FAM174B: variants seen among roughly 807,000 people sequenced by gnomAD.
FAM174B encodes family with sequence similarity 174 member B, also known as membrane protein FAM174B.
In FAM174B, 12 loss-of-function variants were observed where a neutral mutation model predicts 10.9. The ratio of observed to expected loss-of-function variants is 1.10; its 90% CI spans 0.71 to 1.79. The LOEUF is 1.79. FAM174B is among the 40% of genes most tolerant of loss of function. The pLI is 0.00. For synonymous variants in FAM174B, 132 were observed against 115.8 expected, an observed-to-expected ratio of 1.14 and a Z score of -0.90; for missense variants, 266 against 233.3, an observed-to-expected ratio of 1.14 and a Z score of -0.91.
chr15:92,636,647 A>C (rs1046035565), intron 1 of FAM174B, among the ~76,000 whole-genome samples: 15 of 152,118 alleles, frequency 9.9e-5, no homozygotes, highest in African/African-American at 3.4e-4. Context: ...GGGGCTTGAG[A>C]GTATAGACTG....
At chr15:92,635,573 TTC>T (rs1228271145) in intron 1 of FAM174B, among the ~76,000 whole-genome samples, 2 of 148,314 alleles carry the variant, frequency 1.3e-5, no homozygotes, top group Non-Finnish European at 3.0e-5. Context: ...CTTCACATAT[TTC>T]TTTCTTTTTT....
chr15:92,619,531 C>A (rs988203425), intron 2 of FAM174B, 72 bp from the exon 3 acceptor site: 2 of 1,534,726 alleles, frequency 1.3e-6, no homozygotes, highest in East Asian at 2.3e-5. Context: ...CCCTCCTGAA[C>A]ATCTCTATCC....
chr15:92,631,732 G>A (rs1596297717), intron 1 of FAM174B, among the ~76,000 whole-genome samples: 5 of 151,076 alleles, frequency 3.3e-5, no homozygotes, highest in African/African-American at 7.3e-5. Context: ...TCCTGACCTC[G>A]TGATCTGCCC....
At chr15:92,643,889 G>T (rs1408442135) in intron 1 of FAM174B, among the ~76,000 whole-genome samples, 1 of 152,158 alleles carries the variant, frequency 6.6e-6, no homozygotes, top group Non-Finnish European at 1.5e-5. Context: ...TTTGGAAAAA[G>T]TAATCAAGAA....
At chr15:92,655,209 C>G in intron 1 of FAM174B, 107 bp downstream of exon 1, 1 of 1,395,574 alleles carries the variant, frequency 7.2e-7, no homozygotes. Flanking sequence ...CTGGCTGGGG[C>G]GCACCAGGGC....
rs1186342655 is a variant in FAM174B, at chr15:92,630,351, G to A, written c.345-6C>T. ...TCTTTAACCTCTTTCCCGACCTGCAGGAGAAGAAGCACATTCATGAGAACA... is the reference window on the plus strand; with the variant it reads ...TCTTTAACCTCTTTCCCGACCTGCAAGAGAAGAAGCACATTCATGAGAACA... On this transcript the variant is annotated splice_polypyrimidine_tract_variant and splice_region_variant and intron_variant, in intron 1 of 2. Transcript: ENST00000327355. The A allele has an allele frequency of 1.9e-6, 3 of 1,607,046 alleles. No individual in the cohort carries two copies. Among genetic ancestry groups the A allele is most frequent in the African/African-American group, 2.7e-5 (2 of 74,686 alleles).
At position 92,655,536 on chromosome 15, in the gene FAM174B, C is replaced by G; in HGVS notation, c.124G>C (p.Glu42Gln). The change falls in exon 1 of 3, where the codon GAG (glutamate) becomes CAG (glutamine). Residue 42 changes from glutamate to glutamine, a missense_variant. Coordinates refer to ENST00000327355, the MANE Select transcript of FAM174B (RefSeq NM_207446.3). ...CCCGGGCCGGGCGGTGGCCGCGACT[C>G]GCGCTCGGGTTCGGGCCACGGCGCG... ...VSAPWPEPER[E>Q]SRPPPGPGPG... The G allele has an allele frequency of 6.8e-7, 1 of 1,478,376 alleles. No individual in the cohort carries two copies. Among genetic ancestry groups the G allele is most frequent in the South Asian group, 1.3e-5 (1 of 75,124 alleles). The allele number at this position is 1,478,376 out of a possible 1,614,324, so 91.6% of individuals were successfully genotyped here. A position where few individuals can be genotyped will look rare whatever the true frequency, so the allele number is the denominator to read the frequency against.
At chr15:92,635,598 TGAGACAGA>T (rs2050850790) in intron 1 of FAM174B, among the ~76,000 whole-genome samples, 1 of 142,928 alleles carries the variant, frequency 7.0e-6, no homozygotes, top group African/African-American at 2.6e-5. Flanking sequence ...TTTTTTTTTT[TGAGACAGA>T]GTCTCGCTCT....
Position 92,619,024 on chromosome 15 carries a change from G to T in FAM174B, c.*432C>A. The T allele has an allele frequency of 5.0e-6, 3 of 595,650 alleles. No individual in the cohort carries two copies. The highest frequency in any genetic ancestry group is 4.2e-5 in the South Asian group (2 of 47,810). The allele number at this position is 595,650 out of a possible 1,614,324, so 36.9% of individuals were successfully genotyped here. A position where few individuals can be genotyped will look rare whatever the true frequency, so the allele number is the denominator to read the frequency against. ...TGGGGTCCAATGTGTAGATCCAGTA[G>T]AGAAGAATGTCGGAAATTCTAAATA... is the stretch of plus-strand genomic sequence containing the variant. On this transcript the variant is annotated 3_prime_UTR_variant, in exon 3 of 3. Transcript: ENST00000327355.
At chr15:92,622,207 C>G (rs1168937837) in intron 2 of FAM174B, among the ~76,000 whole-genome samples, 2 of 152,210 alleles carry the variant, frequency 1.3e-5, no homozygotes, top group Non-Finnish European at 2.9e-5. Context: ...CTGCCCTCAC[C>G]TCACCCCCAG....
intron 2 of FAM174B, among the ~76,000 whole-genome samples, chr15:92,620,934 T>C (rs1458602655): frequency 6.6e-6 from 1 of 152,084 alleles, no homozygotes; most frequent in Non-Finnish European, 1.5e-5. Context: ...TGTTTGATTA[T>C]GGGCATTATA....
At chr15:92,620,446 A>G (rs1041244829) in intron 2 of FAM174B, among the ~76,000 whole-genome samples, 3 of 152,126 alleles carry the variant, frequency 2.0e-5, no homozygotes, top group Non-Finnish European at 2.9e-5. Flanking sequence ...CGCAGTGAGC[A>G]GAGATCGCAC....
intron 1 of FAM174B, chr15:92,634,478 A>G (rs2050840118): frequency 5.3e-5 from 8 of 152,148 alleles, no homozygotes; most frequent in Admixed American, 5.2e-4. Context: ...CTTATCATTC[A>G]CGTATATAGA....
rs2050740783 is a variant in FAM174B, at chr15:92,624,545, C to G, written c.477-5086G>C. Reference sequence around the variant, plus strand: ...CTGTTTTCCCATACTCCCTGCCTACCCTGCAGAGGCCTCATGCTGCAAACT... The same window carrying G: ...CTGTTTTCCCATACTCCCTGCCTACGCTGCAGAGGCCTCATGCTGCAAACT... On this transcript the variant is annotated intron_variant, in intron 2 of 2. Transcript: ENST00000327355. Among the ~76,000 whole-genome samples the G allele has an allele frequency of 2.0e-5, 3 of 152,230 alleles. No homozygotes were observed. In the South Asian group the frequency reaches 6.2e-4, roughly 32 times the overall value.
chr15:92,619,681 C>CGGCGA, intron 2 of FAM174B: 2 of 600,058 alleles, frequency 3.3e-6, no homozygotes, highest in Non-Finnish European at 6.0e-6. Context: ...CCCCCAGCTC[C>CGGCGA]CCACACAGAC....
At chr15:92,646,559 A>T (rs937888176) in intron 1 of FAM174B, among the ~76,000 whole-genome samples, 5 of 152,138 alleles carry the variant, frequency 3.3e-5, no homozygotes, top group African/African-American at 1.2e-4. Context: ...CCGAAAAACT[A>T]ATTCAGGCCA....
chr15:92,617,847 G>C lies in FAM174B; in HGVS notation c.*1609C>G. ...AAGTCAACAAAGAAGGTGAAATGCA[G>C]GGAGCAGAGACTACACGCAGGCCCC... On this transcript the variant is annotated 3_prime_UTR_variant, in exon 3 of 3. Coordinates refer to ENST00000327355, the MANE Select transcript of FAM174B (RefSeq NM_207446.3). The C allele has an allele frequency of 2.0e-6, 1 of 491,126 alleles. No individual in the cohort carries two copies. The highest frequency in any genetic ancestry group is 3.6e-6 in the Non-Finnish European group (1 of 280,406). The allele number at this position is 491,126 out of a possible 1,614,324, so 30.4% of individuals were successfully genotyped here. A position where few individuals can be genotyped will look rare whatever the true frequency, so the allele number is the denominator to read the frequency against.
At chr15:92,638,499 G>T (rs1013119635) in intron 1 of FAM174B, among the ~76,000 whole-genome samples, 1 of 152,144 alleles carries the variant, frequency 6.6e-6, no homozygotes, top group Non-Finnish European at 1.5e-5. Flanking sequence ...CCTCACCCAC[G>T]AAGAGAATAA....
intron 1 of FAM174B, among the ~76,000 whole-genome samples, chr15:92,632,772 TC>T (rs1164419754): frequency 1.3e-5 from 2 of 151,804 alleles, no homozygotes; most frequent in East Asian, 3.9e-4. Context: ...TCCTCCCGCC[TC>T]AGCCTCTCAG....
Sources: allele counts gnomAD v4.1 joint callset (sites outside exome capture counted in the v4.1 genomes callset), GRCh38; gene constraint gnomAD v4.1.1; transcripts MANE v1.5; gene names NCBI Gene and HGNC (gene_info 2026-07-23, HGNC 2026-07-21).